The following SHQ1 variants were observed in gnomAD, a reference collection of about 807,000 sequenced individuals.
SHQ1 encodes the protein protein SHQ1 homolog.
SHQ1 carries 49 observed loss-of-function variants against 53.8 expected under a neutral mutation model. The ratio of observed to expected loss-of-function variants is 0.91; its 90% CI spans 0.72 to 1.16. SHQ1 has a LOEUF of 1.16. Ranked by LOEUF, SHQ1 falls within the 50% of genes most tolerant of loss-of-function variation. The pLI is 0.00. For synonymous variants in SHQ1, 243 were observed against 251.0 expected (o/e 0.97, Z 0.30); for missense variants, 738 against 683.1 (o/e 1.08, Z -0.90).
intron 1 of SHQ1, among the ~76,000 whole-genome samples, chr3:72,847,469 G>A (rs954807910): frequency 8.5e-5 from 13 of 152,088 alleles, no homozygotes; most frequent in African/African-American, 3.1e-4. Context: ...AGTTAAATGA[G>A]ATACACCATC....
intron 9 of SHQ1, among the ~76,000 whole-genome samples, chr3:72,806,517 G>A (rs1366666373): frequency 6.6e-6 from 1 of 152,132 alleles, no homozygotes; most frequent in Non-Finnish European, 1.5e-5. Flanking sequence ...CCCGGGTGAG[G>A]AGCAGGGAAT....
intron 6 of SHQ1, among the ~76,000 whole-genome samples, chr3:72,821,748 G>C (rs1301394098): frequency 5.3e-5 from 8 of 152,160 alleles, no homozygotes; most frequent in Non-Finnish European, 1.2e-4. Flanking sequence ...GAGGAGAAAA[G>C]GTACAGCAGC....
rs79089308 is a variant in SHQ1, at chr3:72,843,403, A to G, written c.208+956T>C. 5.6e-3 allele frequency among the ~76,000 whole-genome samples: 846 copies of G among 152,286 alleles called. 10 individuals carry two copies. The highest frequency in any genetic ancestry group is 0.02 in the African/African-American group (814 of 41,560). Reference sequence around the variant, plus strand: ...AAGTCTATGGCAGACTCAAATCCCTAAAGTCTATGTACTTCTTTTCTTTCC... The same window carrying G: ...AAGTCTATGGCAGACTCAAATCCCTGAAGTCTATGTACTTCTTTTCTTTCC... On this transcript the variant is annotated intron_variant, in intron 2 of 10. Coordinates refer to ENST00000325599, the MANE Select transcript of SHQ1 (RefSeq NM_018130.3).
At chr3:72,747,027 C>T (rs1307194247), downstream of SHQ1, among the ~76,000 whole-genome samples, 1 of 152,116 alleles carries the variant, frequency 6.6e-6, no homozygotes, top group African/African-American at 2.4e-5. Flanking sequence ...CCGTAGTCAC[C>T]CCAGGATCAT....
chr3:72,799,993 C>T (rs1350754117), intron 9 of SHQ1, among the ~76,000 whole-genome samples: 1 of 152,132 alleles, frequency 6.6e-6, no homozygotes, highest in Non-Finnish European at 1.5e-5. Context: ...GTAGTGCTAC[C>T]ATTTGAATGC....
At chr3:72,755,302 AGATG>A (rs1559658885) in intron 10 of SHQ1, among the ~76,000 whole-genome samples, 3 of 150,106 alleles carry the variant, frequency 2.0e-5, no homozygotes, top group Non-Finnish European at 4.4e-5. Flanking sequence ...ATGGATGGAT[AGATG>A]GATGGATGAT....
At chr3:72,736,788 G>C in the SHQ1 span, among the ~76,000 whole-genome samples, 1 of 20,832 alleles carries the variant, frequency 4.8e-5, no homozygotes, top group Non-Finnish European at 1.1e-4. Flanking sequence ...GTGAGACTCC[G>C]TTTCAAAAAA....
At chr3:72,818,437 A>G (rs1707380616) in intron 6 of SHQ1, among the ~76,000 whole-genome samples, 1 of 152,198 alleles carries the variant, frequency 6.6e-6, no homozygotes, top group East Asian at 1.9e-4. Context: ...CTGGGTTAAA[A>G]AAGTATCTGT....
At chr3:72,730,177 G>A in the SHQ1 span, among the ~76,000 whole-genome samples, 1 of 151,766 alleles carries the variant, frequency 6.6e-6, no homozygotes, top group African/African-American at 2.4e-5. Context: ...GCACAGTGAT[G>A]CAATCATAAC....
chr3:72,841,052 C>T lies in SHQ1; in HGVS notation c.479G>A (p.Arg160Gln), dbSNP rs758931723. ...TTCAGAAAGACAACATACCTGTAAC[C>T]GTTGCAACACTCCTGATCGTAAGTT... is the stretch of plus-strand genomic sequence containing the variant. ...FGNLRSGVLQ[R>Q]LQDELSDVID... Residue 160 changes from arginine to glutamine, a missense_variant, in exon 4 of 11, where the codon CGG becomes CAG. Arg to Gln is a conservative substitution (Grantham distance 43, BLOSUM62 1). Transcript: ENST00000325599. The T allele has an allele frequency of 8.7e-6, 14 of 1,609,798 alleles. No homozygotes were observed. The highest frequency in any genetic ancestry group is 3.3e-4 in the Middle Eastern group (2 of 6,074).
chr3:72,847,166 T>C (rs1360541380), intron 1 of SHQ1, among the ~76,000 whole-genome samples: 1 of 152,188 alleles, frequency 6.6e-6, no homozygotes, highest in Non-Finnish European at 1.5e-5. Flanking sequence ...AAGAAATAAG[T>C]GAATTAAAAA....
chr3:72,815,524 T>C (rs943037401), intron 7 of SHQ1, 121 bp from the exon 8 acceptor site: 2 of 666,726 alleles, frequency 3.0e-6, no homozygotes, highest in Admixed American at 2.5e-5. Context: ...AACTAAGAAG[T>C]GTTCACGACT....
chr3:72,771,027 T>C (rs1705837453), intron 10 of SHQ1, among the ~76,000 whole-genome samples: 1 of 152,214 alleles, frequency 6.6e-6, no homozygotes, highest in Non-Finnish European at 1.5e-5. Context: ...ATTATACAGT[T>C]GTCTAGACTC....
At chr3:72,766,220 T>C (rs1029228480) in intron 10 of SHQ1, among the ~76,000 whole-genome samples, 1 of 152,272 alleles carries the variant, frequency 6.6e-6, no homozygotes, top group East Asian at 1.9e-4. Flanking sequence ...CTCCAGTCTA[T>C]CAAGCTTAGT....
chr3:72,736,890 A>T, the SHQ1 span, among the ~76,000 whole-genome samples: 33 of 151,760 alleles, frequency 2.2e-4, no homozygotes, highest in African/African-American at 7.7e-4. Context: ...TGGTTTGCTG[A>T]CTCCTGCACT....
At chr3:72,829,115 G>T (rs766453481) in intron 5 of SHQ1, among the ~76,000 whole-genome samples, 1 of 151,786 alleles carries the variant, frequency 6.6e-6, no homozygotes, top group African/African-American at 2.4e-5. Context: ...GGATAAGAAA[G>T]AAGGCAAAGA....
intron 10 of SHQ1, among the ~76,000 whole-genome samples, chr3:72,769,326 A>T (rs1405379747): frequency 1.3e-5 from 2 of 152,200 alleles, no homozygotes; most frequent in African/African-American, 2.4e-5. Flanking sequence ...GTTGACAACC[A>T]ATTTAAAGTC....
At chr3:72,810,217 C>T (rs1342437606) in intron 9 of SHQ1, among the ~76,000 whole-genome samples, 1 of 152,068 alleles carries the variant, frequency 6.6e-6, no homozygotes, top group Non-Finnish European at 1.5e-5. Flanking sequence ...TAAAACAGTA[C>T]TTAAGGGGCA....
At chr3:72,814,843 A>G (rs551086710) in intron 8 of SHQ1, among the ~76,000 whole-genome samples, 1 of 152,348 alleles carries the variant, frequency 6.6e-6, no homozygotes, top group South Asian at 2.1e-4. Context: ...ACCTAAGATA[A>G]GAGATTTAAG....
Sources: gnomAD v4.1 joint callset for allele counts (sites outside exome capture counted in the v4.1 genomes callset) on GRCh38, gnomAD v4.1.1 for gene constraint, MANE v1.5 for transcripts, NCBI Gene and HGNC (gene_info 2026-07-23, HGNC 2026-07-21) for gene names.